The following PCDHGA10 variants were observed in gnomAD, a reference collection of about 807,000 sequenced individuals.
PCDHGA10 encodes the protein protocadherin gamma subfamily A, 10.
Under a neutral mutation model 59.5 loss-of-function variants are expected in PCDHGA10, and 42 were observed. That is an observed-to-expected ratio of 0.71 (90% CI 0.55 to 0.91). PCDHGA10 has a LOEUF of 0.91. PCDHGA10 is among the 40% of genes least tolerant of loss of function. PCDHGA10 has a pLI of 0.00. For synonymous variants in PCDHGA10, 511 were observed against 517.2 expected (o/e 0.99, Z 0.16); for missense variants, 1,111 against 1,198.2 (o/e 0.93, Z 1.07).
intron 2 of PCDHGA10, among the ~76,000 whole-genome samples, chr5:141,501,536 G>A (rs570102957): frequency 5.9e-5 from 9 of 152,054 alleles, no homozygotes; most frequent in African/African-American, 2.2e-4. Context: ...GTACGTTGTT[G>A]TGCATAAGAT....
chr5:141,413,855 C>A lies in PCDHGA10; in HGVS notation c.680C>A (p.Ser227Tyr). Residue 227 changes from serine (S) to tyrosine (Y), a missense_variant, in exon 1 of 4, where the codon TCT becomes TAT. Transcript: ENST00000398610. ...TCCGACGGGGGTGACCCTCTCCGAT[C>A]TGGCACTGTCCTTGTCAGTGTGACT... The part of the protein sequence containing the change: ...TASDGGDPLR[S>Y]GTVLVSVTVF... 3.7e-6 allele frequency: 6 copies of A among 1,613,324 alleles called. No individual in the cohort carries two copies. The highest frequency in any genetic ancestry group is 5.1e-6 in the Non-Finnish European group (6 of 1,179,868).
rs370932300 is a variant in PCDHGA10, at chr5:141,459,955, G to A, written c.2437-34852G>A. Among the ~76,000 whole-genome samples, 15 of 152,316 alleles carry A rather than the reference G, an allele frequency of 9.8e-5. No homozygotes were observed. The East Asian group carries it at 2.3e-3, about 24-fold the overall frequency. The stretch of plus-strand genomic sequence containing the variant: ...TAGCTGGGCGTGATGGCAGGTGCCT[G>A]TAATCCCAGCTACTCAGGAGGCTGA... On this transcript the variant is annotated intron_variant, in intron 1 of 3. Coordinates refer to ENST00000398610, the MANE Select transcript of PCDHGA10 (RefSeq NM_018913.3).
rs1442570663 is a variant in PCDHGA10, at chr5:141,438,613, TATATATATATATATATATATATACACAC to T, written c.2436+23004_2436+23031del. On this transcript the variant is annotated intron_variant, in intron 1 of 3. Transcript: ENST00000398610. Reference sequence around the variant, plus strand: ...ATACATATATATATATATATATATATATATATATATATATATATATATACACACACACACACACATATATGTATATATA... The same window carrying T: ...ATACATATATATATATATATATATATACACACACACATATATGTATATATA... Among the ~76,000 whole-genome samples, 243 of 36,492 alleles carry T rather than the reference TATATATATATATATATATATATACACAC, an allele frequency of 6.7e-3. 7 individuals are homozygous for T. The highest frequency in any genetic ancestry group is 0.033 in the East Asian group (37 of 1,124). The allele number at this position is 36,492 out of a possible 152,430, so 23.9% of individuals were successfully genotyped here.
In PCDHGA10 at chr5:141,431,159, C is replaced by A. The variant is rs1017606383; in HGVS notation, c.2436+15548C>A. On this transcript the variant is annotated intron_variant, in intron 1 of 3. Coordinates refer to ENST00000398610, the MANE Select transcript of PCDHGA10 (RefSeq NM_018913.3). The surrounding 1 kb of genome is among the most constrained non-coding windows in gnomAD (Gnocchi z 4.8). The stretch of plus-strand genomic sequence containing the variant: ...CATTAACGACAATGCGCCTTACTTT[C>A]GTGAAAGTGAATTAGAAATAAAAAT... The A allele has an allele frequency of 6.2e-7, 1 of 1,614,158 alleles. No homozygotes were observed. The highest frequency in any genetic ancestry group is 1.3e-5 in the African/African-American group (1 of 75,046).
At chr5:141,481,390 G>A (rs553179819) in intron 1 of PCDHGA10, among the ~76,000 whole-genome samples, 2 of 152,346 alleles carry the variant, frequency 1.3e-5, no homozygotes, top group East Asian at 3.9e-4. Context: ...TTGGAGGGAT[G>A]TGACAAAATT....
chr5:141,466,118 G>A lies in PCDHGA10; in HGVS notation c.2437-28689G>A, dbSNP rs1299389265. ...GCCTGGGCAACAGAGTGAGACTCCA[G>A]CTCAAAAAAAAAATCAAGTGAAAAC... On this transcript the variant is annotated intron_variant, in intron 1 of 3. Coordinates refer to ENST00000398610, the MANE Select transcript of PCDHGA10 (RefSeq NM_018913.3). Among the ~76,000 whole-genome samples the A allele has an allele frequency of 2.0e-5, 3 of 151,096 alleles. No individual in the cohort carries two copies. The East Asian group carries it at 5.8e-4, about 29-fold the overall frequency.
intron 1 of PCDHGA10, chr5:141,422,581 G>C: frequency 6.2e-7 from 1 of 1,613,984 alleles, no homozygotes; most frequent in Non-Finnish European, 8.5e-7. Context: ...TAACCCTCCC[G>C]TTTTTCCTCA....
At chr5:141,463,438 CTTTTTTTTTTTTTT>C (rs71576115) in intron 1 of PCDHGA10, among the ~76,000 whole-genome samples, 7 of 103,256 alleles carry the variant, frequency 6.8e-5, no homozygotes, top group Non-Finnish European at 9.4e-5. Flanking sequence ...TTTCCTTCTC[CTTTTTTTTTTTTTT>C]TTTTTTTTTT....
Position 141,415,740 on chromosome 5 carries a change from GTTTTTTTTTTTTTTTTTTT to G in PCDHGA10, c.2436+143_2436+161del, listed in dbSNP as rs57426385. ...TGAGTAGAATTTGATGTTTATTAAG[GTTTTTTTTTTTTTTTTTTT>G]TTTTTTTTTTTTTACTTTCTGGTAA... is the stretch of plus-strand genomic sequence containing the variant. On this transcript the variant is annotated intron_variant, in intron 1 of 3. Coordinates refer to ENST00000398610, the MANE Select transcript of PCDHGA10 (RefSeq NM_018913.3). The G allele has an allele frequency of 6.7e-5, 42 of 625,046 alleles. No individual in the cohort carries two copies. In the African/African-American group the frequency reaches 7.3e-4, roughly 11 times the overall value. 38.7% of individuals were successfully genotyped at this position (625,046 alleles called of 1,614,324 possible).
rs142172414 is a variant in PCDHGA10, at chr5:141,477,145, G to A, written c.2437-17662G>A. On this transcript the variant is annotated intron_variant, in intron 1 of 3. Coordinates refer to ENST00000398610, the MANE Select transcript of PCDHGA10 (RefSeq NM_018913.3). The surrounding 1 kb of genome is among the most constrained non-coding windows in gnomAD (Gnocchi z 4.9). ...ATTGCAAAGTGTTGGTGGAGGTTGT[G>A]GATGTGAATGACAACGCCCCGGAGA... The A allele has an allele frequency of 3.7e-6, 6 of 1,614,054 alleles. No homozygotes were observed. The African/African-American group carries it at 8.0e-5, about 22-fold the overall frequency.
At chr5:141,419,962 G>A in intron 1 of PCDHGA10, 1 of 1,614,092 alleles carries the variant, frequency 6.2e-7, no homozygotes, top group African/African-American at 1.3e-5. Context: ...TGATTTCTGT[G>A]CTCTTTCTCC....
chr5:141,505,298 T>C, intron 2 of PCDHGA10, 95 bp from the exon 3 acceptor site: 1 of 1,586,334 alleles, frequency 6.3e-7, no homozygotes, highest in Non-Finnish European at 8.6e-7. Flanking sequence ...GGGGTAGGGT[T>C]AGGGTACTAG....
At chr5:141,454,483 C>T (rs1434684795) in intron 1 of PCDHGA10, among the ~76,000 whole-genome samples, 9 of 151,684 alleles carry the variant, frequency 5.9e-5, no homozygotes, top group African/African-American at 9.7e-5. Flanking sequence ...CTCAGCTCAC[C>T]GCAACCTCCA....
chr5:141,486,166 G>A lies in PCDHGA10; in HGVS notation c.2437-8641G>A. ...GCGATGGGGGTTCTCCAGCCATGGA[G>A]CAACATTGCAGCCTTCGAGTGGATC... On this transcript the variant is annotated intron_variant, in intron 1 of 3. Coordinates refer to ENST00000398610, the MANE Select transcript of PCDHGA10 (RefSeq NM_018913.3). The surrounding 1 kb of genome is among the most constrained non-coding windows in gnomAD (Gnocchi z 5.0). The A allele has an allele frequency of 2.5e-6, 4 of 1,614,224 alleles. No individual in the cohort carries two copies. The highest frequency in any genetic ancestry group is 3.4e-6 in the Non-Finnish European group (4 of 1,180,040).
chr5:141,433,062 T>G (rs1371087184), intron 1 of PCDHGA10: 1 of 1,614,074 alleles, frequency 6.2e-7, no homozygotes, highest in Non-Finnish European at 8.5e-7. Context: ...AAGAGTCACC[T>G]GATCTTCCCC....
chr5:141,432,863 T>C lies in PCDHGA10; in HGVS notation c.2436+17252T>C, dbSNP rs762979829. On this transcript the variant is annotated intron_variant, in intron 1 of 3. Coordinates refer to ENST00000398610, the MANE Select transcript of PCDHGA10 (RefSeq NM_018913.3). This position sits in a 1 kb window ranked among gnomAD's most constrained non-coding sequence, Gnocchi z 6.0. ...GGTGGTAGCGGTGGCCGCGGTCTCCTGCGTCTTCCTGGCCTTCGTCATCTT... is the reference window on the plus strand; with the variant it reads ...GGTGGTAGCGGTGGCCGCGGTCTCCCGCGTCTTCCTGGCCTTCGTCATCTT... 20 of 1,614,192 alleles carry C rather than the reference T, an allele frequency of 1.2e-5. No individual in the cohort carries two copies. Among genetic ancestry groups the C allele is most frequent in the Admixed American group, 6.7e-5 (4 of 60,032 alleles).
chr5:141,469,552 C>G (rs956606902), intron 1 of PCDHGA10, among the ~76,000 whole-genome samples: 1 of 151,910 alleles, frequency 6.6e-6, no homozygotes, highest in African/African-American at 2.4e-5. Context: ...TCCAGCCTGG[C>G]GACAGAGTGA....
chr5:141,463,382 T>C (rs2099057893), intron 1 of PCDHGA10, among the ~76,000 whole-genome samples: 1 of 151,594 alleles, frequency 6.6e-6, no homozygotes, highest in Admixed American at 6.6e-5. Context: ...AGTCTGAAAG[T>C]TGTCTCCAGG....
Position 141,431,669 on chromosome 5 carries a change from A to G in PCDHGA10, c.2436+16058A>G, listed in dbSNP as rs2154554523. ...TTGTAATTCAGGGACAATATCAACA[A>G]TAGGGGAGTTGGACCACGAGGAGTC... On this transcript the variant is annotated intron_variant, in intron 1 of 3. Transcript: ENST00000398610. The surrounding 1 kb of genome is among the most constrained non-coding windows in gnomAD (Gnocchi z 4.8). 2 of 1,614,210 alleles carry G rather than the reference A, an allele frequency of 1.2e-6. No individual in the cohort carries two copies. Among genetic ancestry groups the G allele is most frequent in the South Asian group, 1.1e-5 (1 of 91,084 alleles).
Sources: gnomAD v4.1 joint callset for allele counts (sites outside exome capture counted in the v4.1 genomes callset) on GRCh38, gnomAD v4.1.1 for gene constraint, Gnocchi (gnomAD v3.1) non-coding constraint, MANE v1.5 for transcripts, NCBI Gene and HGNC (gene_info 2026-07-23, HGNC 2026-07-21) for gene names.